The following DLGAP2 variants were observed in gnomAD, a reference collection of about 807,000 sequenced individuals.
DLGAP2 encodes DLG associated protein 2.
A neutral mutation model predicts 100.3 loss-of-function variants in DLGAP2; 26 were observed. The observed-to-expected ratio is 0.26, with a 90% CI of 0.19 to 0.36. DLGAP2 has a LOEUF of 0.36. DLGAP2 is among the 10% of genes least tolerant of loss of function. The pLI is 1.00. For synonymous variants in DLGAP2, 886 were observed against 630.1 expected (o/e 1.41, Z -6.08); for missense variants, 1,858 against 1,453.2 (o/e 1.28, Z -4.53).
intron 2 of DLGAP2, among the ~76,000 whole-genome samples, chr8:1,169,783 C>A (rs1797090584): frequency 6.6e-6 from 1 of 151,770 alleles, no homozygotes. Context: ...AGATTTTGGG[C>A]TGAGACAGTG....
chr8:1,010,767 G>A (rs1230662049), intron 2 of DLGAP2, among the ~76,000 whole-genome samples: 1 of 152,196 alleles, frequency 6.6e-6, no homozygotes, highest in Non-Finnish European at 1.5e-5. Context: ...TAAGTGTCTT[G>A]AAGACTTTTT....
chr8:871,390 GT>G (rs1361520284), intron 1 of DLGAP2, among the ~76,000 whole-genome samples: 2 of 152,236 alleles, frequency 1.3e-5, no homozygotes, highest in African/African-American at 2.4e-5. Flanking sequence ...CTAAGAACGA[GT>G]TTTGTCAAAT....
intron 3 of DLGAP2, among the ~76,000 whole-genome samples, chr8:1,294,257 C>G (rs1245720735): frequency 1.3e-5 from 2 of 152,168 alleles, no homozygotes; most frequent in Non-Finnish European, 2.9e-5. Flanking sequence ...ATTTAATTGT[C>G]TTGATCACAT....
chr8:970,153 A>G (rs941560837), intron 2 of DLGAP2, among the ~76,000 whole-genome samples: 9 of 152,158 alleles, frequency 5.9e-5, no homozygotes, highest in African/African-American at 1.4e-4. Flanking sequence ...TCATTTGTCA[A>G]TGACACCAGC....
chr8:985,081 T>C (rs77331090), intron 2 of DLGAP2, among the ~76,000 whole-genome samples: 1,878 of 152,348 alleles, frequency 0.012, 46 homozygotes, highest in African/African-American at 0.043. Flanking sequence ...GTTTGCATAA[T>C]GTTTCCACGT....
chr8:1,197,472 G>C (rs1038088968), intron 2 of DLGAP2, among the ~76,000 whole-genome samples: 1 of 152,226 alleles, frequency 6.6e-6, no homozygotes, highest in South Asian at 2.1e-4. Flanking sequence ...GTCAAGCACT[G>C]TTTATGTTCC....
intron 1 of DLGAP2, among the ~76,000 whole-genome samples, chr8:791,396 G>T (rs1160163697): frequency 6.6e-6 from 1 of 152,060 alleles, no homozygotes; most frequent in East Asian, 1.9e-4. Flanking sequence ...TTTAAACAGG[G>T]ATATGTTTTT....
intron 2 of DLGAP2, among the ~76,000 whole-genome samples, chr8:1,068,979 C>G (rs1803344956): frequency 6.6e-6 from 1 of 152,138 alleles, no homozygotes; most frequent in African/African-American, 2.4e-5. Flanking sequence ...GGACCCAGTC[C>G]TTGAAAGACT....
intron 2 of DLGAP2, among the ~76,000 whole-genome samples, chr8:1,233,658 T>G (rs969485432): frequency 6.6e-5 from 10 of 152,178 alleles, no homozygotes; most frequent in Non-Finnish European, 1.5e-4. Flanking sequence ...TTCGTTTGTG[T>G]TTTTAGTTAC....
intron 8 of DLGAP2, among the ~76,000 whole-genome samples, chr8:1,660,529 T>TA (rs2130824018): frequency 6.6e-6 from 1 of 152,362 alleles, no homozygotes; most frequent in South Asian, 2.1e-4. Flanking sequence ...TACTCACATG[T>TA]AAAAATGCGT....
intron 3 of DLGAP2, among the ~76,000 whole-genome samples, chr8:1,328,343 G>T (rs1410630280): frequency 6.6e-6 from 1 of 151,266 alleles, no homozygotes; most frequent in Non-Finnish European, 1.5e-5. Context: ...TTTTGAGATG[G>T]AGTCTCACTG....
At chr8:1,694,879 C>G (rs576806444) in intron 13 of DLGAP2, among the ~76,000 whole-genome samples, 2 of 151,972 alleles carry the variant, frequency 1.3e-5, no homozygotes, top group African/African-American at 4.8e-5. Context: ...TTATAAACAC[C>G]TTATCATCTC....
At chr8:1,179,704 G>T (rs10088285) in intron 2 of DLGAP2, among the ~76,000 whole-genome samples, 5,374 of 152,128 alleles carry the variant, frequency 0.035, 128 homozygotes, top group East Asian at 0.15. Context: ...GAATATCAGG[G>T]GCCACCTTAA....
At chr8:1,176,716 G>T (rs180750810) in intron 2 of DLGAP2, among the ~76,000 whole-genome samples, 107 of 152,266 alleles carry the variant, frequency 7.0e-4, no homozygotes, top group African/African-American at 2.3e-3. Flanking sequence ...CATGCTGCCT[G>T]TTGTGCACTC....
intron 1 of DLGAP2, among the ~76,000 whole-genome samples, chr8:889,137 C>T (rs1022326829): frequency 7.9e-5 from 12 of 152,124 alleles, no homozygotes; most frequent in Non-Finnish European, 1.3e-4. Context: ...AGGAATTTCA[C>T]AAGACAATGT....
chr8:1,577,515 C>T (rs1196441719), intron 6 of DLGAP2, among the ~76,000 whole-genome samples: 2 of 144,946 alleles, frequency 1.4e-5, no homozygotes, highest in East Asian at 4.0e-4. Flanking sequence ...TTGCAGTGAG[C>T]CAAGATCGTG....
intron 3 of DLGAP2, among the ~76,000 whole-genome samples, chr8:1,489,163 G>T (rs910850574): frequency 6.6e-6 from 1 of 152,182 alleles, no homozygotes; most frequent in Non-Finnish European, 1.5e-5. Context: ...GTAAAAGCCT[G>T]GGAAACAACA....
At chr8:1,175,753 C>T (rs947083634) in intron 2 of DLGAP2, among the ~76,000 whole-genome samples, 18 of 152,216 alleles carry the variant, frequency 1.2e-4, no homozygotes, top group Non-Finnish European at 1.9e-4. Context: ...ATAACTAGAT[C>T]TTTGTCATTC....
intron 2 of DLGAP2, among the ~76,000 whole-genome samples, chr8:1,216,945 T>C (rs28556612): frequency 6.6e-6 from 1 of 151,880 alleles, no homozygotes; most frequent in African/African-American, 2.4e-5. Flanking sequence ...AAGGATGATG[T>C]TGCTGCTTGG....
Sources: gnomAD v4.1 joint callset for allele counts (sites outside exome capture counted in the v4.1 genomes callset) on GRCh38, gnomAD v4.1.1 for gene constraint, MANE v1.5 for transcripts, NCBI Gene and HGNC (gene_info 2026-07-23, HGNC 2026-07-21) for gene names.